SRRM4: variants seen among roughly 807,000 people sequenced by gnomAD.
The protein encoded by SRRM4 is serine/arginine repetitive matrix 4.
In SRRM4, 33 loss-of-function variants were observed where a neutral mutation model predicts 68.9. That is an observed-to-expected ratio of 0.48 (90% CI 0.36 to 0.64). The LOEUF (loss-of-function observed/expected upper bound fraction) is 0.64, where lower values mean the gene tolerates loss of function less well. SRRM4 is among the 30% of genes least tolerant of loss of function. The pLI, the probability that SRRM4 is intolerant of heterozygous loss-of-function variation, is 0.00. For synonymous variants in SRRM4, 318 were observed against 318.8 expected, an observed-to-expected ratio of 1.00 and a Z score of 0.03; for missense variants, 817 against 827.1, an observed-to-expected ratio of 0.99 and a Z score of 0.15.
At chr12:118,990,094 G>A (rs1390744012) in intron 1 of SRRM4, 1 of 152,180 alleles carries the variant, frequency 6.6e-6, no homozygotes, top group African/African-American at 2.4e-5. Context: ...AATAATTCCA[G>A]AAGAGAGGTG....
chr12:119,131,343 A>C (rs936036677), intron 8 of SRRM4, among the ~76,000 whole-genome samples: 2 of 152,226 alleles, frequency 1.3e-5, no homozygotes, highest in Non-Finnish European at 2.9e-5. Flanking sequence ...AGGAGGTCAT[A>C]GCTCTTGACC....
chr12:119,125,818 G>A lies in SRRM4; in HGVS notation c.614+339G>A, dbSNP rs542093914. 2.1e-4 allele frequency among the ~76,000 whole-genome samples: 32 copies of A among 151,872 alleles called. 1 individual carries two copies. The highest frequency in any genetic ancestry group is 6.3e-4 in the South Asian group (3 of 4,800). ...CACCTTTAATTCCAGCTACTCTGGA[G>A]GCTGAGACAGGAGAATCGCTTGAAC... On this transcript the variant is annotated intron_variant, in intron 7 of 12. Coordinates refer to ENST00000267260, the MANE Select transcript of SRRM4 (RefSeq NM_194286.4).
In SRRM4 at chr12:119,117,017, C is replaced by T. The variant is rs1565911931; in HGVS notation, c.437+9C>T. 2 of 1,613,534 alleles carry T rather than the reference C, an allele frequency of 1.2e-6. No individual in the cohort carries two copies. Among genetic ancestry groups the T allele is most frequent in the Non-Finnish European group, 8.5e-7 (1 of 1,179,606 alleles). On this transcript the variant is annotated intron_variant, in intron 4 of 12. Transcript: ENST00000267260. Reference sequence around the variant, plus strand: ...AAACACAAGCGACGCAGGTATTGTCCTTTTTCTCTGCAAACAAGACCTCCC... The same window carrying T: ...AAACACAAGCGACGCAGGTATTGTCTTTTTTCTCTGCAAACAAGACCTCCC...
intron 1 of SRRM4, among the ~76,000 whole-genome samples, chr12:119,027,676 T>C (rs1424591002): frequency 6.6e-6 from 1 of 152,210 alleles, no homozygotes; most frequent in Admixed American, 6.5e-5. Flanking sequence ...TATTATACAC[T>C]AGACAGTGGG....
At chr12:119,134,281 C>T (rs1399401735) in intron 8 of SRRM4, among the ~76,000 whole-genome samples, 2 of 151,436 alleles carry the variant, frequency 1.3e-5, no homozygotes, top group Admixed American at 6.6e-5. Flanking sequence ...TTGGTCAGCA[C>T]CCAAATCCAA....
intron 1 of SRRM4, among the ~76,000 whole-genome samples, chr12:119,083,724 G>A (rs1459091184): frequency 2.0e-5 from 3 of 152,166 alleles, no homozygotes; most frequent in Non-Finnish European, 4.4e-5. Flanking sequence ...CTGGTGCTTT[G>A]GAAAATGGAC....
At position 119,122,084 on chromosome 12, in the gene SRRM4, A is replaced by G; in HGVS notation, c.479A>G (p.Lys160Arg). The G allele has an allele frequency of 6.2e-7, 1 of 1,611,332 alleles. No homozygotes were observed. Among genetic ancestry groups the G allele is most frequent in the Non-Finnish European group, 8.5e-7 (1 of 1,177,510 alleles). ...KKRRHSSSSPKSKRRDEKRHK... is the reference protein window; with the variant it reads ...KKRRHSSSSPRSKRRDEKRHK... ...TTCTTGTTTAGCTCCTCTAGCCCAAAAAGCAAAAGAAGAGATGAGAAGAGG... is the reference window on the plus strand; with the variant it reads ...TTCTTGTTTAGCTCCTCTAGCCCAAGAAGCAAAAGAAGAGATGAGAAGAGG... Residue 160 changes from lysine to arginine, a missense_variant, in exon 6 of 13, where the codon AAA (lysine) becomes AGA (arginine). By Grantham distance (26) the Lys-to-Arg change is conservative. Coordinates refer to ENST00000267260, the MANE Select transcript of SRRM4 (RefSeq NM_194286.4).
At chr12:119,042,861 A>C (rs1332929882) in intron 1 of SRRM4, among the ~76,000 whole-genome samples, 1 of 152,130 alleles carries the variant, frequency 6.6e-6, no homozygotes, top group Non-Finnish European at 1.5e-5. Context: ...AGGAGAGATC[A>C]AGAGAGGTGA....
rs139505140 is a variant in SRRM4 at position 119,113,825 on chromosome 12, A to G, written c.279-453A>G. 2.3e-3 allele frequency among the ~76,000 whole-genome samples: 346 copies of G among 152,288 alleles called. 2 individuals are homozygous for G. The highest frequency in any genetic ancestry group is 8.0e-3 in the African/African-American group (334 of 41,556). On this transcript the variant is annotated intron_variant, in intron 2 of 12. Coordinates refer to ENST00000267260, the MANE Select transcript of SRRM4 (RefSeq NM_194286.4). ...TAAGATACGTATCTCGTTACATTAG[A>G]CCTTGGCAAATATACTTTTAATAAT...
chr12:119,067,995 T>C (rs1953856477), intron 1 of SRRM4, among the ~76,000 whole-genome samples: 1 of 152,238 alleles, frequency 6.6e-6, no homozygotes, highest in Non-Finnish European at 1.5e-5. Context: ...AAATGGTTGG[T>C]GGCACACACC....
At chr12:119,050,280 C>T (rs1032792339) in intron 1 of SRRM4, among the ~76,000 whole-genome samples, 2 of 152,218 alleles carry the variant, frequency 1.3e-5, no homozygotes, top group Non-Finnish European at 2.9e-5. Flanking sequence ...CCATCTTTAA[C>T]AGAGTTCTGG....
chr12:119,010,907 G>C lies in SRRM4; in HGVS notation c.131+28894G>C, dbSNP rs78666165. Among the ~76,000 whole-genome samples, 5 of 152,288 alleles carry C rather than the reference G, an allele frequency of 3.3e-5. No homozygotes were observed. In the East Asian group the frequency reaches 7.7e-4, roughly 23 times the overall value. ...CATAGATCTCTAAAAGACTGTGACA[G>C]GAAAAAGCAAACTGTGGGATGACAC... On this transcript the variant is annotated intron_variant, in intron 1 of 12. Transcript: ENST00000267260.
At position 119,009,359 on chromosome 12, in the gene SRRM4, GT is replaced by G. The variant is rs1482317026; in HGVS notation, c.131+27347del. Among the ~76,000 whole-genome samples, 265 of 152,266 alleles carry G rather than the reference GT, an allele frequency of 1.7e-3. 2 individuals are homozygous for G. The highest frequency in any genetic ancestry group is 6.2e-3 in the African/African-American group (257 of 41,560). On this transcript the variant is annotated intron_variant, in intron 1 of 12. Transcript: ENST00000267260. Reference sequence around the variant, plus strand: ...CGCACAAGCCGATGGGGAAGAGATGGTAGAGGTTCACCTCTGCTCCCTGTCT... The same window carrying G: ...CGCACAAGCCGATGGGGAAGAGATGGAGAGGTTCACCTCTGCTCCCTGTCT...
At chr12:119,077,404 T>C (rs1268204119) in intron 1 of SRRM4, among the ~76,000 whole-genome samples, 1 of 149,792 alleles carries the variant, frequency 6.7e-6, no homozygotes, top group Non-Finnish European at 1.5e-5. Flanking sequence ...GGCTCTATCA[T>C]GTACCAGCTG....
At chr12:118,985,999 C>G (rs2135987154) in intron 1 of SRRM4, among the ~76,000 whole-genome samples, 1 of 152,272 alleles carries the variant, frequency 6.6e-6, no homozygotes, top group African/African-American at 2.4e-5. Flanking sequence ...CTTCAAAAAT[C>G]CTTTCTACGC....
chr12:119,029,732 A>G (rs1953575078), intron 1 of SRRM4, among the ~76,000 whole-genome samples: 1 of 152,206 alleles, frequency 6.6e-6, no homozygotes, highest in South Asian at 2.1e-4. Flanking sequence ...CAGTGATAAA[A>G]CATGTTTTGA....
chr12:119,120,691 T>G (rs1954214027), intron 5 of SRRM4, among the ~76,000 whole-genome samples: 1 of 152,242 alleles, frequency 6.6e-6, no homozygotes, highest in South Asian at 2.1e-4. Context: ...TACAGGGTCC[T>G]GACTCCAAAC....
chr12:119,003,831 C>A (rs1953400162), intron 1 of SRRM4, among the ~76,000 whole-genome samples: 1 of 152,004 alleles, frequency 6.6e-6, no homozygotes, highest in African/African-American at 2.4e-5. Context: ...CTTAAGCAAA[C>A]CATCATAGAG....
At chr12:119,130,070 T>A (rs1244208951) in intron 7 of SRRM4, among the ~76,000 whole-genome samples, 1 of 151,172 alleles carries the variant, frequency 6.6e-6, no homozygotes, top group Non-Finnish European at 1.5e-5. Flanking sequence ...AACGGATGGA[T>A]GGATGGTTGG....
Sources: allele counts gnomAD v4.1 joint callset (sites outside exome capture counted in the v4.1 genomes callset), GRCh38; gene constraint gnomAD v4.1.1; transcripts MANE v1.5; gene names NCBI Gene and HGNC (gene_info 2026-07-23, HGNC 2026-07-21).